The following MRTFB variants were observed in gnomAD, a reference collection of about 807,000 sequenced individuals.
MRTFB encodes the protein myocardin related transcription factor B.
Under a neutral mutation model 104.2 loss-of-function variants are expected in MRTFB, and 29 were observed. That is an observed-to-expected ratio of 0.28 (90% CI 0.21 to 0.38). The LOEUF is 0.38. Ranked by LOEUF, MRTFB falls within the 10% of genes least tolerant of loss-of-function variation. MRTFB has a pLI of 1.00. For missense variants in MRTFB, 1,270 were observed against 1,341.6 expected (o/e 0.95, Z 0.83); for synonymous variants, 535 against 519.5 (o/e 1.03, Z -0.41).
chr16:14,246,352 T>C (rs2043016680), intron 11 of MRTFB, 121 bp from the exon 12 acceptor site: 1 of 893,216 alleles, frequency 1.1e-6, no homozygotes, highest in Non-Finnish European at 1.7e-6. Context: ...AGTTCTACTT[T>C]CAGGTGTGCC....
chr16:14,035,279 G>A, the MRTFB span, among the ~76,000 whole-genome samples: 10 of 152,324 alleles, frequency 6.6e-5, no homozygotes, highest in East Asian at 1.9e-3. Flanking sequence ...TGTAACAACA[G>A]AGAGGCACAG....
chr16:14,013,498 T>C, the MRTFB span: 2 of 152,206 alleles, frequency 1.3e-5, no homozygotes, highest in Admixed American at 1.3e-4. Context: ...GTAAATACTG[T>C]GTACCCTGAC....
In MRTFB at chr16:14,261,733, A is replaced by G. The variant is rs1356949092; in HGVS notation, c.*289A>G. 1 of 328,142 alleles carries G rather than the reference A, an allele frequency of 3.0e-6. No homozygotes were observed. Among genetic ancestry groups the G allele is most frequent in the Non-Finnish European group, 5.5e-6 (1 of 180,348 alleles). The allele number at this position is 328,142 out of a possible 1,614,324, so 20.3% of individuals were successfully genotyped here. ...AGTAAAGAATGAAAAGTACCTTTAG[A>G]TAAAAACAAAGAAGAGTAATATATG... On this transcript the variant is annotated 3_prime_UTR_variant, in exon 17 of 17. Transcript: ENST00000571589.
chr16:14,254,777 A>G (rs961649007), intron 15 of MRTFB, among the ~76,000 whole-genome samples: 6 of 152,254 alleles, frequency 3.9e-5, no homozygotes, highest in Admixed American at 3.9e-4. Flanking sequence ...ACATTTATCC[A>G]TAACATGCAT....
chr16:14,158,121 T>A (rs958589246), intron 3 of MRTFB, among the ~76,000 whole-genome samples: 12 of 152,236 alleles, frequency 7.9e-5, no homozygotes, highest in Non-Finnish European at 4.4e-5. Context: ...CTATTTTGAC[T>A]TTCTTAGTTA....
At chr16:14,234,393 A>C in intron 9 of MRTFB, 110 bp downstream of exon 9, 1 of 1,311,368 alleles carries the variant, frequency 7.6e-7, no homozygotes, top group Non-Finnish European at 1.0e-6. Context: ...CCTGCCTTTT[A>C]GCCCAAAGTC....
the MRTFB span, chr16:14,021,116 AC>A: frequency 6.6e-6 from 1 of 152,158 alleles, no homozygotes; most frequent in Non-Finnish European, 1.5e-5. Flanking sequence ...TTAAGATGAC[AC>A]CCGTTTGTTA....
chr16:14,063,937 A>G, the MRTFB span, among the ~76,000 whole-genome samples: 1 of 152,234 alleles, frequency 6.6e-6, no homozygotes, highest in African/African-American at 2.4e-5. Flanking sequence ...CAATGAACAT[A>G]CACATGCATG....
At chr16:14,218,751 C>T in intron 7 of MRTFB, 69 bp from the exon 8 acceptor site, 1 of 1,435,718 alleles carries the variant, frequency 7.0e-7, no homozygotes, top group South Asian at 1.5e-5. Context: ...ACAATGTTTT[C>T]CTCCTTCACA....
At chr16:14,223,145 A>G (rs916551415) in intron 8 of MRTFB, among the ~76,000 whole-genome samples, 10 of 152,094 alleles carry the variant, frequency 6.6e-5, no homozygotes, top group African/African-American at 2.4e-4. Flanking sequence ...CATCTCTACT[A>G]AAAATACAAA....
intron 8 of MRTFB, among the ~76,000 whole-genome samples, chr16:14,219,878 A>G (rs1418644231): frequency 3.3e-5 from 5 of 152,154 alleles, no homozygotes; most frequent in Non-Finnish European, 1.5e-5. Flanking sequence ...AGGGAAGGGG[A>G]GAGAGAGCAA....
the MRTFB span, among the ~76,000 whole-genome samples, chr16:14,046,148 T>C: frequency 7.2e-5 from 11 of 152,260 alleles, no homozygotes; most frequent in African/African-American, 2.6e-4. Flanking sequence ...CAGATCCCTC[T>C]CTACATGACA....
intron 13 of MRTFB, among the ~76,000 whole-genome samples, chr16:14,251,410 T>C (rs2043251274): frequency 7.4e-6 from 1 of 134,866 alleles, no homozygotes; most frequent in African/African-American, 2.9e-5. Context: ...GACTTGAGAG[T>C]AGATGAGCCC....
chr16:14,179,158 A>T (rs954594816), intron 3 of MRTFB, among the ~76,000 whole-genome samples: 5 of 152,242 alleles, frequency 3.3e-5, no homozygotes, highest in African/African-American at 9.6e-5. Flanking sequence ...TTTGCATATT[A>T]ATTATAGAAA....
chr16:14,075,408 T>G (rs1420032234), intron 1 of MRTFB, among the ~76,000 whole-genome samples: 1 of 152,246 alleles, frequency 6.6e-6, no homozygotes, highest in Non-Finnish European at 1.5e-5. Flanking sequence ...CCAGACCAAC[T>G]GGACCAGAAT....
chr16:14,137,279 C>A (rs1347897564), intron 2 of MRTFB, among the ~76,000 whole-genome samples: 1 of 152,094 alleles, frequency 6.6e-6, no homozygotes, highest in Non-Finnish European at 1.5e-5. Flanking sequence ...AAAACTTAAT[C>A]TTTGCCTTTG....
intron 8 of MRTFB, among the ~76,000 whole-genome samples, chr16:14,230,804 A>C (rs1375504383): frequency 6.6e-6 from 1 of 152,048 alleles, no homozygotes; most frequent in African/African-American, 2.4e-5. Flanking sequence ...AAGGACTATA[A>C]ATCATGCTGC....
intron 3 of MRTFB, among the ~76,000 whole-genome samples, chr16:14,206,815 T>C (rs1219814941): frequency 1.3e-5 from 2 of 152,068 alleles, no homozygotes; most frequent in East Asian, 1.9e-4. Context: ...CAAAGTATAA[T>C]TGTGTTTTAA....
the MRTFB span, among the ~76,000 whole-genome samples, chr16:14,042,449 T>G: frequency 1.3e-5 from 2 of 152,140 alleles, no homozygotes; most frequent in African/African-American, 4.8e-5. Flanking sequence ...TTGTTTTTGA[T>G]AGTGGCCATT....
Sources: gnomAD v4.1 joint callset for allele counts (sites outside exome capture counted in the v4.1 genomes callset) on GRCh38, gnomAD v4.1.1 for gene constraint, MANE v1.5 for transcripts, NCBI Gene and HGNC (gene_info 2026-07-23, HGNC 2026-07-21) for gene names.